ANKRD30BL: variants seen among roughly 807,000 people sequenced by gnomAD.
ANKRD30BL encodes the protein ankyrin repeat domain 30B like.
Under a neutral mutation model 18.4 loss-of-function variants are expected in ANKRD30BL, and 20 were observed. The ratio of observed to expected loss-of-function variants is 1.09; its 90% CI spans 0.77 to 1.58. The LOEUF (loss-of-function observed/expected upper bound fraction) is 1.58, where lower values mean the gene tolerates loss of function less well. Among genes scored for constraint, ANKRD30BL ranks in the 40% most tolerant of loss-of-function variants. The pLI, the probability that ANKRD30BL is intolerant of heterozygous loss-of-function variation, is 0.00. For missense variants in ANKRD30BL, 224 were observed against 268.6 expected (o/e 0.83, Z 1.16); for synonymous variants, 72 against 100.9 (o/e 0.71, Z 1.72).
chr2:132,186,177 A>G (rs1001875821), intron 1 of ANKRD30BL, among the ~76,000 whole-genome samples: 1 of 151,944 alleles, frequency 6.6e-6, no homozygotes, highest in Non-Finnish European at 1.5e-5. Flanking sequence ...ATTCTTCTCA[A>G]AAAACTACCT....
Position 132,147,755 on chromosome 2 carries a change from A to G in ANKRD30BL, c.*376T>C. 3.9e-6 allele frequency: 1 copy of G among 256,638 alleles called. No homozygotes were observed. The highest frequency in any genetic ancestry group is 4.4e-5 in the Admixed American group (1 of 22,756). The allele number at this position is 256,638 out of a possible 1,614,324, so 15.9% of individuals were successfully genotyped here. A position where few individuals can be genotyped will look rare whatever the true frequency, so the allele number is the denominator to read the frequency against. The stretch of plus-strand genomic sequence containing the variant: ...TGGATAGGGTTGGACTGCACACTCT[A>G]AGCCAATTCAGATTGGCTATTTAAA... On this transcript the variant is annotated 3_prime_UTR_variant, in exon 6 of 6. Coordinates refer to ENST00000409867, the MANE Select transcript of ANKRD30BL (RefSeq NM_001358416.1).
chr2:132,183,742 T>C (rs928222271), intron 1 of ANKRD30BL, among the ~76,000 whole-genome samples: 24 of 152,128 alleles, frequency 1.6e-4, no homozygotes, highest in Admixed American at 1.5e-3. Context: ...TATGCATATA[T>C]ATGTATATGT....
chr2:132,164,862 A>G (rs1315284993), upstream of ANKRD30BL, among the ~76,000 whole-genome samples: 4 of 152,028 alleles, frequency 2.6e-5, no homozygotes, highest in Non-Finnish European at 5.9e-5. Flanking sequence ...ACGAGGTCAG[A>G]AGATGGGGAC....
intron 1 of ANKRD30BL, among the ~76,000 whole-genome samples, chr2:132,229,525 T>C (rs1679946285): frequency 6.6e-6 from 1 of 152,180 alleles, no homozygotes; most frequent in Non-Finnish European, 1.5e-5. Context: ...GAGTTGAACA[T>C]ACCTCTTCAT....
At chr2:132,191,260 T>C (rs1678844026) in intron 1 of ANKRD30BL, among the ~76,000 whole-genome samples, 1 of 152,266 alleles carries the variant, frequency 6.6e-6, no homozygotes, top group Admixed American at 6.5e-5. Flanking sequence ...TGGTCCTTTC[T>C]ATTTTATTCT....
Position 132,206,227 on chromosome 2 carries a change from G to C in ANKRD30BL, n.442-49081C>G, listed in dbSNP as rs556118126. Among the ~76,000 whole-genome samples the C allele has an allele frequency of 3.3e-5, 5 of 152,270 alleles. No individual in the cohort carries two copies. In the East Asian group the frequency reaches 9.6e-4, roughly 29 times the overall value. On this transcript the variant is annotated intron_variant and non_coding_transcript_variant, in intron 1 of 4. Coordinates refer to the ANKRD30BL transcript ENST00000470729. ...GATTTTAAAAAGAGATGAGAAGTCAGTACACTCTTTTGGAGGAAGTGTAAT... is the reference window on the plus strand; with the variant it reads ...GATTTTAAAAAGAGATGAGAAGTCACTACACTCTTTTGGAGGAAGTGTAAT...
intron 1 of ANKRD30BL, among the ~76,000 whole-genome samples, chr2:132,221,181 C>T (rs562006955): frequency 5.7e-4 from 77 of 134,612 alleles, no homozygotes; most frequent in Middle Eastern, 3.8e-3. Context: ...ACCCCATCCG[C>T]GAGGGAGGTG....
intron 1 of ANKRD30BL, among the ~76,000 whole-genome samples, chr2:132,187,111 A>G (rs1371918014): frequency 7.2e-6 from 1 of 139,188 alleles, no homozygotes; most frequent in Non-Finnish European, 1.6e-5. Context: ...TAAGATATTT[A>G]TTTTTTTAAA....
At chr2:132,251,734 A>AT (rs1054071764) in intron 1 of ANKRD30BL, among the ~76,000 whole-genome samples, 2 of 152,046 alleles carry the variant, frequency 1.3e-5, no homozygotes, top group African/African-American at 4.8e-5. Flanking sequence ...AATTCCATTC[A>AT]TTTTTTTCCA....
At position 132,223,613 on chromosome 2, in the gene ANKRD30BL, G is replaced by A. The variant is rs201003105; in HGVS notation, n.441+33916C>T. ...GAGCTTTGAGGCCTTCGTTGGAATC[G>A]GTTATATCTTCACATAAACACTAGA... On this transcript the variant is annotated intron_variant and non_coding_transcript_variant, in intron 1 of 4. Coordinates refer to the ANKRD30BL transcript ENST00000470729. Among the ~76,000 whole-genome samples, 313 of 151,832 alleles carry A rather than the reference G, an allele frequency of 2.1e-3. 4 individuals carry two copies. Among genetic ancestry groups the A allele is most frequent in the East Asian group, 0.013 (65 of 5,128 alleles).
intron 1 of ANKRD30BL, among the ~76,000 whole-genome samples, chr2:132,218,847 A>G (rs1192450055): frequency 6.6e-6 from 1 of 152,178 alleles, no homozygotes; most frequent in Non-Finnish European, 1.5e-5. Flanking sequence ...CTTCTTTGTG[A>G]TGCGTACATT....
intron 1 of ANKRD30BL, among the ~76,000 whole-genome samples, chr2:132,171,245 T>A (rs1688276824): frequency 6.6e-6 from 1 of 152,056 alleles, no homozygotes; most frequent in Non-Finnish European, 1.5e-5. Flanking sequence ...GAGGACATAT[T>A]TGTGATAGGG....
chr2:132,222,174 C>T (rs1289919793), intron 1 of ANKRD30BL, among the ~76,000 whole-genome samples: 17 of 147,224 alleles, frequency 1.2e-4, no homozygotes, highest in Non-Finnish European at 1.7e-4. Flanking sequence ...AGTGAGGAGC[C>T]CCTCTGCCTG....
chr2:132,236,397 G>C (rs1164874905), intron 1 of ANKRD30BL, among the ~76,000 whole-genome samples: 3 of 151,960 alleles, frequency 2.0e-5, no homozygotes, highest in Admixed American at 1.3e-4. Context: ...CTAATATCCA[G>C]AATCTACAAT....
chr2:132,256,907 A>G, intron 1 of ANKRD30BL: 1 of 464,270 alleles, frequency 2.2e-6, no homozygotes, highest in Non-Finnish European at 4.3e-6. Flanking sequence ...ACAGACAGGC[A>G]AGGCCAGGGA....
intron 1 of ANKRD30BL, among the ~76,000 whole-genome samples, chr2:132,186,313 T>A (rs1408512993): frequency 6.6e-6 from 1 of 152,186 alleles, no homozygotes; most frequent in Non-Finnish European, 1.5e-5. Context: ...ATGGTTTGTT[T>A]TTATGTTATG....
At chr2:132,242,991 T>C (rs79620612) in intron 1 of ANKRD30BL, among the ~76,000 whole-genome samples, 5 of 151,296 alleles carry the variant, frequency 3.3e-5, no homozygotes, top group African/African-American at 7.3e-5. Flanking sequence ...AACACTCTTC[T>C]TGTAGTATTT....
intron 1 of ANKRD30BL, among the ~76,000 whole-genome samples, chr2:132,207,995 G>A (rs1241074911): frequency 6.6e-6 from 1 of 152,096 alleles, no homozygotes; most frequent in East Asian, 1.9e-4. Context: ...AAAGGAGGGG[G>A]CGGGTAATTT....
intron 1 of ANKRD30BL, among the ~76,000 whole-genome samples, chr2:132,179,518 C>CT (rs1321567439): frequency 1.3e-5 from 2 of 152,000 alleles, no homozygotes; most frequent in Non-Finnish European, 2.9e-5. Context: ...TGAACTGCTG[C>CT]CCTCAAGTGA....
Sources: allele counts gnomAD v4.1 joint callset (sites outside exome capture counted in the v4.1 genomes callset), GRCh38; gene constraint gnomAD v4.1.1; transcripts MANE v1.5; gene names NCBI Gene and HGNC (gene_info 2026-07-23, HGNC 2026-07-21).